DPP6: variants seen among roughly 807,000 people sequenced by gnomAD.
DPP6 encodes the protein dipeptidyl peptidase like 6.
A neutral mutation model predicts 122.6 loss-of-function variants in DPP6; 69 were observed. The observed-to-expected ratio is 0.56, with a 90% CI of 0.46 to 0.69. DPP6 has a LOEUF of 0.69. DPP6 is among the 30% of genes least tolerant of loss of function. DPP6 has a pLI of 0.00. For synonymous variants in DPP6, 418 were observed against 433.1 expected, an observed-to-expected ratio of 0.97 and a Z score of 0.43; for missense variants, 928 against 1,116.9, an observed-to-expected ratio of 0.83 and a Z score of 2.41.
chr7:154,478,050 G>C (rs750833584), intron 3 of DPP6, among the ~76,000 whole-genome samples: 11 of 149,424 alleles, frequency 7.4e-5, no homozygotes, highest in Non-Finnish European at 7.4e-5. Context: ...CTCTCTTCCC[G>C]CTCCCTAAAG....
chr7:154,616,347 C>T (rs1002441804), intron 5 of DPP6, among the ~76,000 whole-genome samples: 1 of 152,192 alleles, frequency 6.6e-6, no homozygotes, highest in Non-Finnish European at 1.5e-5. Flanking sequence ...ATCCCAGTGC[C>T]TTTTCAACAG....
the DPP6 span, among the ~76,000 whole-genome samples, chr7:153,773,471 TAAAC>T: frequency 6.6e-6 from 1 of 151,676 alleles, no homozygotes; most frequent in Non-Finnish European, 1.5e-5. Flanking sequence ...GGCCATAAAA[TAAAC>T]CTCACCAAAT....
rs10229030 is a variant in DPP6, at chr7:154,504,266, G to C, written c.457+29229G>C. On this transcript the variant is annotated intron_variant, in intron 3 of 25. Coordinates refer to ENST00000377770, the MANE Select transcript of DPP6 (RefSeq NM_130797.4). ...TAAAGAGATGTATTATCTTGTGGCA[G>C]ATGTGTATATTGTACATGTGTAGCA... is the stretch of plus-strand genomic sequence containing the variant. Among the ~76,000 whole-genome samples the C allele has an allele frequency of 5.4e-3, 826 of 152,286 alleles. 7 individuals are homozygous for C. Among genetic ancestry groups the C allele is most frequent in the African/African-American group, 0.019 (787 of 41,570 alleles).
chr7:154,253,373 TCCCTA>T (rs1802472019), intron 1 of DPP6, among the ~76,000 whole-genome samples: 1 of 152,148 alleles, frequency 6.6e-6, no homozygotes, highest in African/African-American at 2.4e-5. Flanking sequence ...GGGACAGTCT[TCCCTA>T]CCTGCAGGGG....
chr7:154,614,144 C>T (rs568995655), intron 5 of DPP6, among the ~76,000 whole-genome samples: 1 of 152,330 alleles, frequency 6.6e-6, no homozygotes, highest in African/African-American at 2.4e-5. Flanking sequence ...CAATCCAGCA[C>T]AGCAGTGTGG....
At chr7:154,554,677 T>C (rs1829887799) in intron 4 of DPP6, among the ~76,000 whole-genome samples, 1 of 152,208 alleles carries the variant, frequency 6.6e-6, no homozygotes, top group African/African-American at 2.4e-5. Flanking sequence ...TTTAAACTTG[T>C]GTTATTGATA....
At chr7:154,662,022 A>G (rs7782992) in intron 6 of DPP6, among the ~76,000 whole-genome samples, 120,285 of 140,832 alleles carry the variant, frequency 0.85, 51,711 homozygotes, top group East Asian at 0.97. Flanking sequence ...TCACCATGGC[A>G]TATTGGCCAT....
At chr7:153,953,616 T>G (rs987366090) in intron 1 of DPP6, among the ~76,000 whole-genome samples, 1 of 152,156 alleles carries the variant, frequency 6.6e-6, no homozygotes, top group Non-Finnish European at 1.5e-5. Context: ...TTCCTCTCCA[T>G]AAAATGATAA....
chr7:154,038,296 G>A (rs1381849925), intron 1 of DPP6: 3 of 97,690 alleles, frequency 3.1e-5, no homozygotes, highest in African/African-American at 9.3e-5. Context: ...GGAGATACAG[G>A]GAGGTATCCA....
chr7:153,833,342 C>T, the DPP6 span, among the ~76,000 whole-genome samples: 1 of 152,186 alleles, frequency 6.6e-6, no homozygotes, highest in South Asian at 2.1e-4. Flanking sequence ...GCATGATTTA[C>T]AAACTCTCAA....
At chr7:153,758,533 T>C in the DPP6 span, among the ~76,000 whole-genome samples, 1 of 152,184 alleles carries the variant, frequency 6.6e-6, no homozygotes, top group South Asian at 2.1e-4. Flanking sequence ...TCCACTACCT[T>C]TTTCCATCCG....
At chr7:154,453,590 A>G (rs990543840) in intron 2 of DPP6, among the ~76,000 whole-genome samples, 1 of 151,216 alleles carries the variant, frequency 6.6e-6, no homozygotes, top group Non-Finnish European at 1.5e-5. Flanking sequence ...TGAGTAAGCT[A>G]TTGTTGAATT....
intron 15 of DPP6, among the ~76,000 whole-genome samples, chr7:154,805,582 G>A (rs547382377): frequency 6.6e-6 from 1 of 152,304 alleles, no homozygotes; most frequent in South Asian, 2.1e-4. Context: ...GGCCCTAAAG[G>A]CAATTTCCCT....
At chr7:154,248,122 G>T (rs1003731787) in intron 1 of DPP6, among the ~76,000 whole-genome samples, 1 of 152,056 alleles carries the variant, frequency 6.6e-6, no homozygotes, top group African/African-American at 2.4e-5. Flanking sequence ...GCTCTCTGGG[G>T]CCCCTTTGTA....
intron 1 of DPP6, among the ~76,000 whole-genome samples, chr7:154,401,386 T>C (rs1253384622): frequency 1.3e-5 from 2 of 151,894 alleles, no homozygotes; most frequent in Non-Finnish European, 2.9e-5. Context: ...GGCTTAACTT[T>C]GTTCAGTACA....
At chr7:154,561,666 C>G (rs1449796786) in intron 4 of DPP6, among the ~76,000 whole-genome samples, 1 of 151,984 alleles carries the variant, frequency 6.6e-6, no homozygotes, top group African/African-American at 2.4e-5. Flanking sequence ...AGATTTAAAA[C>G]CCCAAGTACA....
chr7:154,099,924 C>T (rs4082394), intron 1 of DPP6, among the ~76,000 whole-genome samples: 30,130 of 136,880 alleles, frequency 0.22, 8,019 homozygotes, highest in African/African-American at 0.6. Flanking sequence ...GTGTGTTCTG[C>T]GAGGAGACTT....
the DPP6 span, among the ~76,000 whole-genome samples, chr7:153,789,545 A>G: frequency 6.6e-6 from 1 of 152,216 alleles, no homozygotes. Context: ...TTCTTAAGCA[A>G]GAAGCACTTG....
At chr7:154,666,648 C>A (rs528365447) in intron 6 of DPP6, among the ~76,000 whole-genome samples, 8 of 152,118 alleles carry the variant, frequency 5.3e-5, no homozygotes, top group Non-Finnish European at 1.2e-4. Flanking sequence ...CAGCACCCCC[C>A]CAATCCCTCC....
Sources: allele counts gnomAD v4.1 joint callset (sites outside exome capture counted in the v4.1 genomes callset), GRCh38; gene constraint gnomAD v4.1.1; transcripts MANE v1.5; gene names NCBI Gene and HGNC (gene_info 2026-07-23, HGNC 2026-07-21).